The following MOXD1 variants were observed in gnomAD, a reference collection of about 807,000 sequenced individuals.
The protein encoded by MOXD1 is monooxygenase DBH like 1.
In MOXD1, 62 loss-of-function variants were observed where a neutral mutation model predicts 66.6. That is an observed-to-expected ratio of 0.93 (90% CI 0.76 to 1.15). The LOEUF is 1.15. Among genes scored for constraint, MOXD1 ranks in the 50% most tolerant of loss-of-function variants. The pLI, the probability that MOXD1 is intolerant of heterozygous loss-of-function variation, is 0.00. For synonymous variants in MOXD1, 303 were observed against 281.9 expected (o/e 1.07, Z -0.75); for missense variants, 847 against 754.6 (o/e 1.12, Z -1.44).
chr6:132,311,073 C>T (rs1774819189), intron 10 of MOXD1, among the ~76,000 whole-genome samples: 1 of 152,054 alleles, frequency 6.6e-6, no homozygotes, highest in Non-Finnish European at 1.5e-5. Context: ...CTTATGAATC[C>T]TACAAGTAAA....
At chr6:132,341,724 C>T (rs1447163671) in intron 4 of MOXD1, among the ~76,000 whole-genome samples, 1 of 152,208 alleles carries the variant, frequency 6.6e-6, no homozygotes, top group African/African-American at 2.4e-5. Context: ...GCTGTTTTCC[C>T]CATCCAATAA....
chr6:132,360,726 G>T (rs546232957), intron 4 of MOXD1, among the ~76,000 whole-genome samples: 4 of 152,204 alleles, frequency 2.6e-5, no homozygotes, highest in African/African-American at 9.6e-5. Flanking sequence ...AGGTCTTTGG[G>T]CTGAAAAACT....
At chr6:132,339,586 C>T (rs529929801) in intron 4 of MOXD1, among the ~76,000 whole-genome samples, 4 of 152,324 alleles carry the variant, frequency 2.6e-5, no homozygotes, top group East Asian at 1.9e-4. Flanking sequence ...CCTGAACTTC[C>T]GAGCTACATC....
intron 9 of MOXD1, among the ~76,000 whole-genome samples, chr6:132,316,178 G>T (rs1774951307): frequency 6.6e-6 from 1 of 152,010 alleles, no homozygotes; most frequent in African/African-American, 2.4e-5. Flanking sequence ...ATACGACGGG[G>T]AGAAAGATTT....
intron 1 of MOXD1, among the ~76,000 whole-genome samples, chr6:132,383,208 A>C (rs999745177): frequency 1.3e-5 from 2 of 152,226 alleles, no homozygotes; most frequent in Non-Finnish European, 2.9e-5. Context: ...TAATATTGAT[A>C]GTATAATAAT....
In MOXD1 at chr6:132,322,670, C is replaced by T; in HGVS notation, c.1305+9G>A. 6.2e-7 allele frequency: 1 copy of T among 1,608,562 alleles called. No homozygotes were observed. Reference sequence around the variant, plus strand: ...AACAGTCAATGAAAAAGAACAAAAACATGCATACTGGTAAGATTGTTTGTT... The same window carrying T: ...AACAGTCAATGAAAAAGAACAAAAATATGCATACTGGTAAGATTGTTTGTT... On this transcript the variant is annotated intron_variant, in intron 8 of 11. Transcript: ENST00000367963.
rs867834635 is a variant in MOXD1, at chr6:132,375,922, A to G, written c.265-1145T>C. On this transcript the variant is annotated intron_variant, in intron 1 of 11. Coordinates refer to ENST00000367963, the MANE Select transcript of MOXD1 (RefSeq NM_015529.4). ...TTTTATAGATTTTGAAAAATAAACA[A>G]ATGAGATGGTTTGGGCGGGGTCATA... is the stretch of plus-strand genomic sequence containing the variant. 3.9e-5 allele frequency among the ~76,000 whole-genome samples: 6 copies of G among 152,322 alleles called. No homozygotes were observed. In the South Asian group the frequency reaches 1.2e-3, roughly 32 times the overall value.
At chr6:132,345,336 CT>C (rs1439255224) in intron 4 of MOXD1, among the ~76,000 whole-genome samples, 1 of 151,950 alleles carries the variant, frequency 6.6e-6, no homozygotes, top group Non-Finnish European at 1.5e-5. Context: ...TCTGTAGGTT[CT>C]TTTTTGTGAT....
At chr6:132,357,022 CTCA>C (rs546681894) in intron 4 of MOXD1, among the ~76,000 whole-genome samples, 1 of 151,980 alleles carries the variant, frequency 6.6e-6, no homozygotes, top group East Asian at 1.9e-4. Context: ...AGAAAATATT[CTCA>C]TATTAGAAAA....
At chr6:132,301,200 A>T (rs948057224) in intron 10 of MOXD1, among the ~76,000 whole-genome samples, 93 of 26,606 alleles carry the variant, frequency 3.5e-3, no homozygotes, top group East Asian at 6.7e-3. Context: ...GAATGGTATT[A>T]TATATATATA....
intron 4 of MOXD1, among the ~76,000 whole-genome samples, chr6:132,352,426 T>G (rs1331486182): frequency 6.6e-6 from 1 of 152,250 alleles, no homozygotes. Context: ...TTAATTTCCA[T>G]GTATTTGCAT....
chr6:132,385,501 A>ATTATTATTATTATTATTATTT (rs1554237945), intron 1 of MOXD1, among the ~76,000 whole-genome samples: 11 of 125,354 alleles, frequency 8.8e-5, no homozygotes, highest in African/African-American at 2.9e-4. Flanking sequence ...TATTATTATT[A>ATTATTATTATTATTATTATTT]GAGACACAGT....
chr6:132,304,150 A>C (rs966878928), intron 10 of MOXD1, among the ~76,000 whole-genome samples: 1 of 151,876 alleles, frequency 6.6e-6, no homozygotes, highest in Non-Finnish European at 1.5e-5. Context: ...TGATTAGGTC[A>C]AGAGGGTTCC....
At chr6:132,339,329 G>T (rs1039937236) in intron 4 of MOXD1, among the ~76,000 whole-genome samples, 1 of 151,960 alleles carries the variant, frequency 6.6e-6, no homozygotes, top group African/African-American at 2.4e-5. Flanking sequence ...TTCAAGAGAT[G>T]TTCCTATGAA....
chr6:132,298,464 C>T (rs1774459177), intron 10 of MOXD1, among the ~76,000 whole-genome samples: 1 of 152,118 alleles, frequency 6.6e-6, no homozygotes, highest in African/African-American at 2.4e-5. Context: ...ATCAAGAAAC[C>T]TGCAGGTTCC....
intron 2 of MOXD1, 133 bp downstream of exon 2, chr6:132,374,498 T>A (rs1776334647): frequency 1.0e-6 from 1 of 965,512 alleles, no homozygotes; most frequent in Non-Finnish European, 1.4e-6. Flanking sequence ...AAAAAAAAAC[T>A]AAAAAAAATC....
chr6:132,311,190 C>T (rs1774822474), intron 10 of MOXD1, among the ~76,000 whole-genome samples: 1 of 151,868 alleles, frequency 6.6e-6, no homozygotes, highest in Admixed American at 6.6e-5. Context: ...GTAGAAATTC[C>T]CAAATTGAAA....
intron 4 of MOXD1, among the ~76,000 whole-genome samples, chr6:132,371,712 G>A (rs577780849): frequency 6.6e-6 from 1 of 152,216 alleles, no homozygotes; most frequent in South Asian, 2.1e-4. Context: ...TAATTAAAGG[G>A]TGGACTTATG....
chr6:132,336,427 C>T (rs895801252), intron 4 of MOXD1, among the ~76,000 whole-genome samples: 1 of 152,204 alleles, frequency 6.6e-6, no homozygotes, highest in Non-Finnish European at 1.5e-5. Context: ...ATCATGCTGA[C>T]ATGCTCATGT....
Sources: gnomAD v4.1 joint callset for allele counts (sites outside exome capture counted in the v4.1 genomes callset) on GRCh38, gnomAD v4.1.1 for gene constraint, MANE v1.5 for transcripts, NCBI Gene and HGNC (gene_info 2026-07-23, HGNC 2026-07-21) for gene names.